The following SYN3 variants were observed in gnomAD, a reference collection of about 807,000 sequenced individuals.
The protein encoded by SYN3 is synapsin III, also known as synapsin-3.
In SYN3, 35 loss-of-function variants were observed where a neutral mutation model predicts 65.8. The observed-to-expected ratio is 0.53, with a 90% CI of 0.41 to 0.70. The LOEUF is 0.70. SYN3 is among the 30% of genes least tolerant of loss of function. SYN3 has a pLI of 0.00. For synonymous variants in SYN3, 270 were observed against 292.9 expected (o/e 0.92, Z 0.80); for missense variants, 680 against 749.0 (o/e 0.91, Z 1.08).
chr22:32,781,844 A>G (rs776911942), intron 6 of SYN3, among the ~76,000 whole-genome samples: 2 of 152,068 alleles, frequency 1.3e-5, no homozygotes, highest in Non-Finnish European at 2.9e-5. Context: ...GTAGATTTAC[A>G]GCAGACTATG....
intron 6 of SYN3, among the ~76,000 whole-genome samples, chr22:32,657,744 G>A (rs925441826): frequency 3.9e-5 from 6 of 152,178 alleles, no homozygotes; most frequent in Non-Finnish European, 5.9e-5. Flanking sequence ...CTGAATGCTT[G>A]GGACAGGATC....
At chr22:32,635,827 T>C (rs1340997004) in intron 6 of SYN3, among the ~76,000 whole-genome samples, 1 of 152,196 alleles carries the variant, frequency 6.6e-6, no homozygotes, top group African/African-American at 2.4e-5. Flanking sequence ...AACGTTATTT[T>C]TGTTTTAACT....
chr22:32,549,513 A>T (rs1046057343), intron 7 of SYN3, among the ~76,000 whole-genome samples: 4 of 152,188 alleles, frequency 2.6e-5, no homozygotes, highest in African/African-American at 9.7e-5. Flanking sequence ...TTGGCTTCCC[A>T]AAGTGCTGGG....
At chr22:32,691,357 G>T (rs1174532811) in intron 6 of SYN3, among the ~76,000 whole-genome samples, 1 of 152,180 alleles carries the variant, frequency 6.6e-6, no homozygotes, top group Admixed American at 6.5e-5. Flanking sequence ...CTGGTTAGTT[G>T]TAAGAGAGAA....
chr22:32,699,114 G>A (rs980485282), intron 6 of SYN3, among the ~76,000 whole-genome samples: 3 of 152,204 alleles, frequency 2.0e-5, no homozygotes, highest in African/African-American at 7.2e-5. Context: ...CTTGGCCCAG[G>A]GTCTCCAGTG....
chr22:33,057,305 G>C (rs910643254), intron 1 of SYN3, among the ~76,000 whole-genome samples: 6 of 152,146 alleles, frequency 3.9e-5, no homozygotes, highest in African/African-American at 1.4e-4. Context: ...GTCTGTGCAG[G>C]TTTTAGCTTC....
chr22:32,972,203 G>A (rs920942375), intron 3 of SYN3, among the ~76,000 whole-genome samples: 1 of 152,152 alleles, frequency 6.6e-6, no homozygotes, highest in Non-Finnish European at 1.5e-5. Context: ...CCTACAGATC[G>A]ATTAATAAAT....
rs573657271 is a variant in SYN3 at position 32,987,918 on chromosome 22, A to G, written c.312-7216T>C. Among the ~76,000 whole-genome samples, 4 of 152,332 alleles carry G rather than the reference A, an allele frequency of 2.6e-5. No individual in the cohort carries two copies. In the South Asian group the frequency reaches 8.3e-4, roughly 32 times the overall value. ...AATAAATAAATAAACAGATAAAAAG[A>G]ATGAGTACTACGAATAAAATGCACG... On this transcript the variant is annotated intron_variant, in intron 2 of 13. Coordinates refer to ENST00000358763, the MANE Select transcript of SYN3 (RefSeq NM_003490.4).
At chr22:32,641,303 T>A (rs2059894739) in intron 6 of SYN3, among the ~76,000 whole-genome samples, 1 of 151,904 alleles carries the variant, frequency 6.6e-6, no homozygotes, top group Non-Finnish European at 1.5e-5. Flanking sequence ...CCTGGGAAGC[T>A]AAACGTTAAG....
At chr22:32,555,419 A>G (rs909767386) in intron 7 of SYN3, among the ~76,000 whole-genome samples, 5 of 152,224 alleles carry the variant, frequency 3.3e-5, no homozygotes, top group Non-Finnish European at 7.3e-5. Flanking sequence ...TCACCCAGAA[A>G]ACATTTAAGG....
At chr22:32,583,702 T>C (rs1220716976) in intron 7 of SYN3, among the ~76,000 whole-genome samples, 1 of 152,230 alleles carries the variant, frequency 6.6e-6, no homozygotes, top group Non-Finnish European at 1.5e-5. Flanking sequence ...TGCAGAAATA[T>C]AGTTCTATTA....
At chr22:32,940,337 G>A (rs187133905) in intron 3 of SYN3, among the ~76,000 whole-genome samples, 97 of 151,960 alleles carry the variant, frequency 6.4e-4, no homozygotes, top group African/African-American at 1.9e-3. Context: ...GTTTTTTAAC[G>A]AAGAATATAT....
intron 4 of SYN3, among the ~76,000 whole-genome samples, chr22:32,899,219 G>T (rs1012250210): frequency 6.6e-6 from 1 of 152,222 alleles, no homozygotes; most frequent in Non-Finnish European, 1.5e-5. Flanking sequence ...CTAGCGGGTG[G>T]TTCACAAACG....
chr22:33,013,288 A>G (rs1176998019), intron 1 of SYN3, among the ~76,000 whole-genome samples: 3 of 152,230 alleles, frequency 2.0e-5, no homozygotes, highest in Non-Finnish European at 4.4e-5. Flanking sequence ...GAGGCCAATC[A>G]TGAACATGCA....
At chr22:32,616,071 A>G (rs947672092) in intron 6 of SYN3, among the ~76,000 whole-genome samples, 2 of 152,216 alleles carry the variant, frequency 1.3e-5, no homozygotes, top group Non-Finnish European at 1.5e-5. Context: ...GTTCCCTGCA[A>G]GCTGCGAGGA....
At chr22:32,533,445 C>T (rs551081132) in intron 10 of SYN3, among the ~76,000 whole-genome samples, 1 of 152,124 alleles carries the variant, frequency 6.6e-6, no homozygotes, top group Non-Finnish European at 1.5e-5. Context: ...AGGAAGGTGC[C>T]CATTTCACAT....
intron 4 of SYN3, among the ~76,000 whole-genome samples, chr22:32,927,300 G>A (rs1389462670): frequency 1.5e-5 from 2 of 130,650 alleles, no homozygotes; most frequent in East Asian, 2.2e-4. Flanking sequence ...ATGTTTCTCT[G>A]TCACCCAGGC....
chr22:32,520,169 T>TG (rs993102931), intron 12 of SYN3, among the ~76,000 whole-genome samples: 3 of 152,160 alleles, frequency 2.0e-5, no homozygotes, highest in African/African-American at 4.8e-5. Context: ...ATTAAAGAGA[T>TG]GGGGTCTCTG....
At chr22:32,643,561 G>C (rs928613831) in intron 6 of SYN3, among the ~76,000 whole-genome samples, 4 of 123,566 alleles carry the variant, frequency 3.2e-5, no homozygotes, top group South Asian at 3.2e-4. Flanking sequence ...GGGGGGCGGG[G>C]GGGGCAGAAC....
Sources: gnomAD v4.1 joint callset for allele counts (sites outside exome capture counted in the v4.1 genomes callset) on GRCh38, gnomAD v4.1.1 for gene constraint, MANE v1.5 for transcripts, NCBI Gene and HGNC (gene_info 2026-07-23, HGNC 2026-07-21) for gene names.